CHLSN: variants seen among roughly 807,000 people sequenced by gnomAD.
CHLSN encodes the protein protein cholesin.
chr7:992,480 G>A, the CHLSN span, among the ~76,000 whole-genome samples: 1 of 152,232 alleles, frequency 6.6e-6, no homozygotes, highest in African/African-American at 2.4e-5. Flanking sequence ...CGGAGACGCC[G>A]TTTAATGGAA....
chr7:998,154 C>T, the CHLSN span, among the ~76,000 whole-genome samples: 2 of 152,104 alleles, frequency 1.3e-5, no homozygotes, highest in African/African-American at 2.4e-5. Flanking sequence ...GCCAAGTACG[C>T]GCCGGCACTT....
chr7:1,096,280 G>A, the CHLSN span, among the ~76,000 whole-genome samples: 1 of 152,246 alleles, frequency 6.6e-6, no homozygotes, highest in Admixed American at 6.5e-5. This position sits in a 1 kb window ranked among gnomAD's most constrained non-coding sequence, Gnocchi z 4.6. Context: ...CTCTTGACCT[G>A]TGAAGCTGGC....
the CHLSN span, among the ~76,000 whole-genome samples, chr7:1,066,538 G>C: frequency 6.6e-6 from 1 of 152,228 alleles, no homozygotes. Context: ...TCCAGGACCA[G>C]ACCTCAACGT....
chr7:1,104,182 C>T, the CHLSN span, among the ~76,000 whole-genome samples: 1 of 152,260 alleles, frequency 6.6e-6, no homozygotes, highest in African/African-American at 2.4e-5. Flanking sequence ...TGTCAGGCCA[C>T]AAAGGCTCTG....
chr7:1,015,812 C>T, the CHLSN span, among the ~76,000 whole-genome samples: 1 of 152,202 alleles, frequency 6.6e-6, no homozygotes, highest in Non-Finnish European at 1.5e-5. Flanking sequence ...TGGGCAGCTC[C>T]TCACCCACGG....
chr7:1,078,165 C>A, the CHLSN span: 1 of 152,200 alleles, frequency 6.6e-6, no homozygotes, highest in Non-Finnish European at 1.5e-5. Context: ...TCAGAAAACA[C>A]GTCAGGGTTT....
chr7:1,114,335 G>C, the CHLSN span, among the ~76,000 whole-genome samples: 4 of 152,266 alleles, frequency 2.6e-5, no homozygotes, highest in Non-Finnish European at 5.9e-5. Context: ...CGCAGCTGGG[G>C]AGTGACCTCA....
At chr7:1,094,599 G>A in the CHLSN span, among the ~76,000 whole-genome samples, 1 of 152,098 alleles carries the variant, frequency 6.6e-6, no homozygotes, top group Non-Finnish European at 1.5e-5. Context: ...CTGTCTGTGG[G>A]ACATAACACA....
chr7:995,551 A>G, the CHLSN span, among the ~76,000 whole-genome samples: 1 of 152,106 alleles, frequency 6.6e-6, no homozygotes, highest in South Asian at 2.1e-4. Flanking sequence ...CCTTCTTTGC[A>G]CTTTGCGGGT....
At chr7:1,108,535 G>C in the CHLSN span, among the ~76,000 whole-genome samples, 7 of 152,318 alleles carry the variant, frequency 4.6e-5, no homozygotes, top group Middle Eastern at 3.4e-3. Flanking sequence ...CCCATGAGGC[G>C]GGGGCAGTGC....
the CHLSN span, among the ~76,000 whole-genome samples, chr7:992,449 G>C: frequency 6.6e-6 from 1 of 152,236 alleles, no homozygotes; most frequent in African/African-American, 2.4e-5. Context: ...CCGGGCTTAG[G>C]AGGAGACCAA....
chr7:990,472 C>T, the CHLSN span, among the ~76,000 whole-genome samples: 1 of 152,034 alleles, frequency 6.6e-6, no homozygotes, highest in Non-Finnish European at 1.5e-5. Context: ...GGCGGCCCCT[C>T]ACCGAGAAGA....
chr7:1,028,643 G>C, the CHLSN span: 6 of 963,678 alleles, frequency 6.2e-6, no homozygotes, highest in South Asian at 2.9e-4. Flanking sequence ...ACTTGCCTCT[G>C]ACCGCCCCCA....
the CHLSN span, chr7:1,109,487 A>T: frequency 1.3e-5 from 2 of 152,068 alleles, no homozygotes; most frequent in Admixed American, 1.3e-4. Context: ...AAACTCTTTC[A>T]CTGCTCATTT....
At chr7:1,105,853 G>A in the CHLSN span, among the ~76,000 whole-genome samples, 508 of 152,310 alleles carry the variant, frequency 3.3e-3, 5 homozygotes, top group Admixed American at 5.0e-3. Flanking sequence ...AAAAGAGGAG[G>A]AAAAGGCTTT....
the CHLSN span, chr7:997,658 C>T: frequency 2.5e-6 from 4 of 1,609,822 alleles, no homozygotes; most frequent in African/African-American, 4.0e-5. Flanking sequence ...GTCGGATGCG[C>T]TGGGCCCTCC....
the CHLSN span, among the ~76,000 whole-genome samples, chr7:1,051,933 G>A: frequency 2.0e-5 from 3 of 152,242 alleles, no homozygotes; most frequent in South Asian, 6.2e-4. Flanking sequence ...AGCTATGATG[G>A]TACCACTGCC....
chr7:996,144 GC>G, the CHLSN span, among the ~76,000 whole-genome samples: 1 of 152,224 alleles, frequency 6.6e-6, no homozygotes, highest in Non-Finnish European at 1.5e-5. Flanking sequence ...TGAGGTGCAG[GC>G]CCCGAGGGCC....
At chr7:1,075,252 G>A in the CHLSN span, among the ~76,000 whole-genome samples, 234 of 152,258 alleles carry the variant, frequency 1.5e-3, 1 homozygote, top group African/African-American at 4.8e-3. Flanking sequence ...GGTGGCTCAC[G>A]CCTGTAATCT....
Sources: allele counts gnomAD v4.1 joint callset (sites outside exome capture counted in the v4.1 genomes callset), GRCh38; gene constraint gnomAD v4.1.1; non-coding constraint Gnocchi (gnomAD v3.1); transcripts MANE v1.5; gene names NCBI Gene and HGNC (gene_info 2026-07-23, HGNC 2026-07-21).